The following IPCEF1 variants were observed in gnomAD, a reference collection of about 807,000 sequenced individuals.
IPCEF1 encodes the protein interaction protein for cytohesin exchange factors 1.
A neutral mutation model predicts 50.9 loss-of-function variants in IPCEF1; 31 were observed. The observed-to-expected ratio is 0.61, with a 90% CI of 0.46 to 0.82. The LOEUF (loss-of-function observed/expected upper bound fraction) is 0.82, where lower values mean the gene tolerates loss of function less well. Among genes scored for constraint, IPCEF1 ranks in the 40% least tolerant of loss-of-function variants. IPCEF1 has a pLI of 0.00. For synonymous variants in IPCEF1, 181 were observed against 192.0 expected, an observed-to-expected ratio of 0.94 and a Z score of 0.47; for missense variants, 458 against 514.0, an observed-to-expected ratio of 0.89 and a Z score of 1.05.
chr6:154,168,614 AT>A lies in IPCEF1; in HGVS notation c.911-502del, dbSNP rs536207639. On this transcript the variant is annotated intron_variant, in intron 10 of 11. Transcript: ENST00000367220. This position sits in a 1 kb window ranked among gnomAD's most constrained non-coding sequence, Gnocchi z 4.1. ...TAATTAATTAATTAATTTTATTATT[AT>A]TTTTTTTGAGACGGAGTTTTACTGC... Among the ~76,000 whole-genome samples, 19 of 150,818 alleles carry A rather than the reference AT, an allele frequency of 1.3e-4. No individual in the cohort carries two copies. The highest frequency in any genetic ancestry group is 2.2e-4 in the Non-Finnish European group (15 of 67,764).
At chr6:154,239,778 A>T (rs1780432382) in intron 5 of IPCEF1, among the ~76,000 whole-genome samples, 1 of 152,194 alleles carries the variant, frequency 6.6e-6, no homozygotes, top group Non-Finnish European at 1.5e-5. Flanking sequence ...ATCTCGGCTA[A>T]CTGCAACCTC....
intron 1 of IPCEF1, among the ~76,000 whole-genome samples, chr6:154,349,183 CTTATTATTATTA>C (rs149749046): frequency 6.8e-6 from 1 of 147,538 alleles, no homozygotes; most frequent in Non-Finnish European, 1.5e-5. Context: ...ATTATTTTAT[CTTATTATTATTA>C]TTATTATTAT....
intron 3 of IPCEF1, among the ~76,000 whole-genome samples, chr6:154,262,101 A>C (rs1447115685): frequency 6.6e-6 from 1 of 152,248 alleles, no homozygotes; most frequent in South Asian, 2.1e-4. Flanking sequence ...GAAATGCTTA[A>C]AAGAAATGTT....
intron 1 of IPCEF1, among the ~76,000 whole-genome samples, chr6:154,293,638 C>A (rs1583955993): frequency 6.6e-6 from 1 of 152,130 alleles, no homozygotes; most frequent in African/African-American, 2.4e-5. Context: ...TGAAAAATAC[C>A]CGGAGAAAAA....
intron 3 of IPCEF1, among the ~76,000 whole-genome samples, chr6:154,260,778 G>A (rs1227423579): frequency 6.6e-6 from 1 of 151,812 alleles, no homozygotes; most frequent in African/African-American, 2.4e-5. Context: ...GCCGACCAGA[G>A]AACTTTATAA....
intron 2 of IPCEF1, among the ~76,000 whole-genome samples, chr6:154,279,261 AAT>A (rs1310082620): frequency 6.6e-6 from 1 of 151,420 alleles, no homozygotes; most frequent in African/African-American, 2.5e-5. Flanking sequence ...TAAAAATTCA[AAT>A]ATGTTAGAAT....
chr6:154,320,417 CA>C (rs1213169169), intron 1 of IPCEF1, among the ~76,000 whole-genome samples: 12 of 152,110 alleles, frequency 7.9e-5, no homozygotes, highest in Non-Finnish European at 1.3e-4. Context: ...TCAATGAGTG[CA>C]ACTGGCCTCA....
chr6:154,244,104 G>A (rs796408523), intron 5 of IPCEF1, among the ~76,000 whole-genome samples: 17 of 152,290 alleles, frequency 1.1e-4, no homozygotes, highest in African/African-American at 3.4e-4. Flanking sequence ...CTTTGAGAGC[G>A]ACTTTGTTGA....
At chr6:154,160,848 C>T (rs1282679501) in intron 11 of IPCEF1, among the ~76,000 whole-genome samples, 7 of 152,188 alleles carry the variant, frequency 4.6e-5, no homozygotes, top group Admixed American at 2.0e-4. Flanking sequence ...CAATATATCA[C>T]GTTTGATCTG....
At chr6:154,290,624 A>G (rs946785125) in intron 1 of IPCEF1, among the ~76,000 whole-genome samples, 1 of 152,168 alleles carries the variant, frequency 6.6e-6, no homozygotes, top group Non-Finnish European at 1.5e-5. Flanking sequence ...TCTGCTAACA[A>G]TAACTTCCCA....
intron 2 of IPCEF1, among the ~76,000 whole-genome samples, chr6:154,268,257 A>T (rs9479806): frequency 0.16 from 24,626 of 152,140 alleles, 2,848 homozygotes; most frequent in East Asian, 0.64. Context: ...CAGGCCCCCA[A>T]GAGTGCAGTG....
intron 10 of IPCEF1, among the ~76,000 whole-genome samples, chr6:154,186,710 T>C (rs9384184): frequency 0.68 from 103,291 of 151,308 alleles, 36,038 homozygotes; most frequent in East Asian, 0.89. Context: ...GCGCCCGCCA[T>C]CACGCCTGGC....
intron 10 of IPCEF1, among the ~76,000 whole-genome samples, chr6:154,171,427 G>A (rs1394284830): frequency 6.6e-6 from 1 of 152,066 alleles, no homozygotes; most frequent in African/African-American, 2.4e-5. Flanking sequence ...TGAACCCACA[G>A]AGACAGAAAC....
chr6:154,283,173 A>G (rs115338663), intron 2 of IPCEF1, among the ~76,000 whole-genome samples: 5,053 of 151,366 alleles, frequency 0.033, 261 homozygotes, highest in African/African-American at 0.11. Flanking sequence ...GCGCAGGCCT[A>G]TAATCCTACT....
intron 10 of IPCEF1, among the ~76,000 whole-genome samples, chr6:154,177,579 C>T (rs1433106923): frequency 6.6e-6 from 1 of 152,168 alleles, no homozygotes; most frequent in Admixed American, 6.5e-5. Flanking sequence ...CAAATCAAAA[C>T]CACAATGAGA....
intron 5 of IPCEF1, 147 bp downstream of exon 5, chr6:154,246,444 C>T: frequency 1.1e-6 from 1 of 896,788 alleles, no homozygotes; most frequent in Admixed American, 2.5e-5. Flanking sequence ...ATCTACTGCA[C>T]CAGAAATGGC....
rs117066504 is a variant in IPCEF1 at position 154,332,254 on chromosome 6, G to A, written c.-62+24418C>T. Among the ~76,000 whole-genome samples the A allele has an allele frequency of 2.3e-4, 34 of 149,382 alleles. No individual in the cohort carries two copies. In the East Asian group the frequency reaches 6.3e-3, roughly 28 times the overall value. ...ATACTTCTCTCCTTGCACAGCATCT[G>A]ACCTGTTGATAACTGTTTTTTTGTG... On this transcript the variant is annotated intron_variant, in intron 1 of 11. Coordinates refer to ENST00000367220, the MANE Select transcript of IPCEF1 (RefSeq NM_001130700.2).
At chr6:154,301,437 G>A (rs1782792621) in intron 1 of IPCEF1, among the ~76,000 whole-genome samples, 1 of 152,156 alleles carries the variant, frequency 6.6e-6, no homozygotes, top group Non-Finnish European at 1.5e-5. Flanking sequence ...ATGGTGTTTT[G>A]TTAAATGTGT....
intron 2 of IPCEF1, among the ~76,000 whole-genome samples, chr6:154,266,585 T>TATATATAC (rs71021035): frequency 2.0e-3 from 266 of 135,670 alleles, no homozygotes; most frequent in Middle Eastern, 3.8e-3. Flanking sequence ...TATATATATA[T>TATATATAC]ACACACAAAC....
Sources: gnomAD v4.1 joint callset for allele counts (sites outside exome capture counted in the v4.1 genomes callset) on GRCh38, gnomAD v4.1.1 for gene constraint, Gnocchi (gnomAD v3.1) non-coding constraint, MANE v1.5 for transcripts, NCBI Gene and HGNC (gene_info 2026-07-23, HGNC 2026-07-21) for gene names.